Variants in VPS13B observed in about 807,000 individuals in gnomAD.
VPS13B encodes intermembrane lipid transfer protein VPS13B.
A neutral mutation model predicts 426.4 loss-of-function variants in VPS13B; 285 were observed. That is an observed-to-expected ratio of 0.67 (90% CI 0.61 to 0.74). VPS13B has a LOEUF of 0.74. Ranked by LOEUF, VPS13B falls within the 30% of genes least tolerant of loss-of-function variation. The pLI, the probability that VPS13B is intolerant of heterozygous loss-of-function variation, is 0.00. For synonymous variants in VPS13B, 1,676 were observed against 1,676.4 expected (o/e 1.00, Z 0.01); for missense variants, 4,537 against 4,782.6 (o/e 0.95, Z 1.51).
intron 39 of VPS13B, among the ~76,000 whole-genome samples, chr8:99,765,691 A>C (rs1343878458): frequency 6.6e-6 from 1 of 152,168 alleles, no homozygotes; most frequent in Non-Finnish European, 1.5e-5. Context: ...GAACTTGTAA[A>C]ATCTACCTTT....
intron 5 of VPS13B, among the ~76,000 whole-genome samples, chr8:99,104,530 T>C (rs1331306841): frequency 6.6e-6 from 1 of 152,104 alleles, no homozygotes; most frequent in African/African-American, 2.4e-5. Context: ...TTGGAATTTC[T>C]TCCTTCTTTT....
intron 54 of VPS13B, among the ~76,000 whole-genome samples, chr8:99,847,525 G>A (rs1043327832): frequency 5.9e-5 from 9 of 152,134 alleles, no homozygotes; most frequent in East Asian, 3.9e-4. Context: ...TATTCTAGGC[G>A]TGGTGAGTAG....
intron 39 of VPS13B, among the ~76,000 whole-genome samples, chr8:99,764,189 A>G (rs1219100364): frequency 2.0e-5 from 3 of 152,186 alleles, no homozygotes; most frequent in Non-Finnish European, 4.4e-5. Flanking sequence ...ATTACAAAAT[A>G]TAGTGAGTCC....
At chr8:99,392,114 A>G (rs1311183011) in intron 21 of VPS13B, among the ~76,000 whole-genome samples, 1 of 152,194 alleles carries the variant, frequency 6.6e-6, no homozygotes, top group African/African-American at 2.4e-5. Context: ...ACAGTAGGGA[A>G]CAATGACAAT....
intron 3 of VPS13B, chr8:99,092,004 A>AT (rs1846175853): frequency 6.6e-6 from 1 of 152,154 alleles, no homozygotes; most frequent in African/African-American, 2.4e-5. Flanking sequence ...AAGGACTTCA[A>AT]TGATGTAGTC....
At chr8:99,338,216 C>T (rs1386680826) in intron 19 of VPS13B, among the ~76,000 whole-genome samples, 1 of 151,950 alleles carries the variant, frequency 6.6e-6, no homozygotes, top group African/African-American at 2.4e-5. Flanking sequence ...ATCAACTGGT[C>T]AGTTTCTATT....
chr8:99,569,084 A>C (rs1432626555), intron 31 of VPS13B, among the ~76,000 whole-genome samples: 1 of 151,824 alleles, frequency 6.6e-6, no homozygotes, highest in Non-Finnish European at 1.5e-5. Flanking sequence ...GGCCTCCCAA[A>C]GTGCTGGGAT....
At chr8:99,088,444 G>C (rs1030973197) in intron 3 of VPS13B, among the ~76,000 whole-genome samples, 2 of 152,134 alleles carry the variant, frequency 1.3e-5, no homozygotes, top group Non-Finnish European at 2.9e-5. Context: ...GTCATTAACT[G>C]AATTAGGGAA....
intron 19 of VPS13B, chr8:99,340,982 C>T (rs1293267409): frequency 3.4e-5 from 9 of 262,562 alleles, no homozygotes; most frequent in African/African-American, 4.6e-5. Context: ...TGGTGCTTTC[C>T]GTAATTGAAA....
At chr8:99,697,882 C>T in intron 35 of VPS13B, 1 of 515,400 alleles carries the variant, frequency 1.9e-6, no homozygotes, top group Non-Finnish European at 3.8e-6. Flanking sequence ...TCAATGACCT[C>T]ATCAATGTGA....
intron 17 of VPS13B, among the ~76,000 whole-genome samples, chr8:99,208,283 C>T (rs375929346): frequency 7.2e-5 from 11 of 152,144 alleles, no homozygotes; most frequent in African/African-American, 2.7e-4. Context: ...GCCCCATCTC[C>T]ATCACTGGGG....
chr8:99,684,668 T>C (rs548298778), intron 35 of VPS13B, among the ~76,000 whole-genome samples: 1 of 152,380 alleles, frequency 6.6e-6, no homozygotes, highest in Admixed American at 6.5e-5. Context: ...TTATAGCTGG[T>C]TTATTGCCAG....
At chr8:99,489,834 T>C (rs1820505968) in intron 25 of VPS13B, among the ~76,000 whole-genome samples, 1 of 152,176 alleles carries the variant, frequency 6.6e-6, no homozygotes, top group South Asian at 2.1e-4. Context: ...AAATATACAG[T>C]CATGTCATCT....
At chr8:99,222,372 C>A (rs1815773761) in intron 17 of VPS13B, among the ~76,000 whole-genome samples, 1 of 152,236 alleles carries the variant, frequency 6.6e-6, no homozygotes, top group African/African-American at 2.4e-5. Flanking sequence ...TTTACAATTT[C>A]TTCATTGTAA....
chr8:99,125,029 GAACT>G (rs1412367672), intron 8 of VPS13B, among the ~76,000 whole-genome samples: 2 of 152,098 alleles, frequency 1.3e-5, no homozygotes, highest in African/African-American at 4.8e-5. Context: ...TAGAGGGACA[GAACT>G]AATAGGCTAT....
intron 34 of VPS13B, 103 bp from the exon 35 acceptor site, chr8:99,661,251 T>A: frequency 1.4e-6 from 2 of 1,418,912 alleles, no homozygotes; most frequent in South Asian, 2.3e-5. Context: ...TTGCAAACAG[T>A]TATTTAACCA....
Position 99,337,379 on chromosome 8 carries a change from G to T in VPS13B, c.2825-46829G>T, listed in dbSNP as rs553235470. Among the ~76,000 whole-genome samples the T allele has an allele frequency of 6.2e-4, 72 of 117,052 alleles. 1 individual carries two copies. The highest frequency in any genetic ancestry group is 6.0e-3 in the Middle Eastern group (1 of 168). 76.8% of individuals were successfully genotyped at this position (117,052 alleles called of 152,430 possible). On this transcript the variant is annotated intron_variant, in intron 19 of 61. Coordinates refer to ENST00000357162, the MANE Select transcript of VPS13B (RefSeq NM_152564.5). ...GGACTGTTGTGGGGTGGGGGGAGGG[G>T]AGATGGATAGCTTTAGGAGATATAC...
intron 33 of VPS13B, among the ~76,000 whole-genome samples, chr8:99,640,046 GAAGAGAAAAGAAAAGAAAAGAA>G (rs1234766789): frequency 2.7e-5 from 2 of 72,752 alleles, no homozygotes; most frequent in African/African-American, 1.2e-4. Flanking sequence ...AGAAGAAGAA[GAAGAGAAAAGAAAAGAAAAGAA>G]AAGAAAAGAA....
intron 60 of VPS13B, 58 bp from the exon 61 acceptor site, chr8:99,871,390 G>A (rs1817406352): frequency 6.2e-7 from 1 of 1,612,452 alleles, no homozygotes; most frequent in Admixed American, 1.7e-5. Flanking sequence ...AATGAGCACT[G>A]ATAAGTGACC....
Sources: gnomAD v4.1 joint callset for allele counts (sites outside exome capture counted in the v4.1 genomes callset) on GRCh38, gnomAD v4.1.1 for gene constraint, MANE v1.5 for transcripts, NCBI Gene and HGNC (gene_info 2026-07-23, HGNC 2026-07-21) for gene names.